Variants in CHRNB1 observed in about 807,000 individuals in gnomAD.
The protein encoded by CHRNB1 is cholinergic receptor nicotinic beta 1 subunit.
Under a neutral mutation model 53.8 loss-of-function variants are expected in CHRNB1, and 47 were observed. That is an observed-to-expected ratio of 0.87 (90% CI 0.69 to 1.11). CHRNB1 has a LOEUF of 1.11. Ranked by LOEUF, CHRNB1 falls within the 50% of genes most tolerant of loss-of-function variation. The probability of loss-of-function intolerance (pLI) is 0.00; values close to 1 mark genes in which losing one functional copy is unlikely to be tolerated. For synonymous variants in CHRNB1, 259 were observed against 263.5 expected (o/e 0.98, Z 0.16); for missense variants, 605 against 654.9 (o/e 0.92, Z 0.83).
Position 7,447,046 on chromosome 17 carries a change from T to C in CHRNB1, c.357T>C (p.Asn119=). 1 of 1,613,968 alleles carries C rather than the reference T, an allele frequency of 6.2e-7. No homozygotes were observed. The highest frequency in any genetic ancestry group is 8.5e-7 in the Non-Finnish European group (1 of 1,179,812). Residue 119 remains asparagine (N), a synonymous_variant, in exon 5 of 11, where the codon AAT becomes AAC. Transcript: ENST00000306071. Reference sequence around the variant, plus strand: ...TGATGAGATCCCTTCTCTGCAGCAATGATGGGAATTTTGACGTGGCTCTGG... The same window carrying C: ...TGATGAGATCCCTTCTCTGCAGCAACGATGGGAATTTTGACGTGGCTCTGG... ...WLPDVVLLNN[N]DGNFDVALDI... is the part of the protein sequence containing the mutation.
In CHRNB1 at chr17:7,445,095, T is replaced by G; in HGVS notation, c.-33T>G. The stretch of plus-strand genomic sequence containing the variant: ...CCTGTGCTGGCGGTCCCAGCGGCTC[T>G]CTGAGCGAAGTCACTGAGCGAGCCG... On this transcript the variant is annotated 5_prime_UTR_variant, in exon 1 of 11. Coordinates refer to ENST00000306071, the MANE Select transcript of CHRNB1 (RefSeq NM_000747.3). The surrounding 1 kb of genome is among the most constrained non-coding windows in gnomAD (Gnocchi z 5.7). The G allele has an allele frequency of 1.9e-6, 3 of 1,601,360 alleles. No individual in the cohort carries two copies. Among genetic ancestry groups the G allele is most frequent in the Non-Finnish European group, 2.5e-6 (3 of 1,177,488 alleles).
chr17:7,445,831 G>A lies in CHRNB1; in HGVS notation c.199-238G>A, dbSNP rs1908583995. On this transcript the variant is annotated intron_variant, in intron 2 of 10. Coordinates refer to ENST00000306071, the MANE Select transcript of CHRNB1 (RefSeq NM_000747.3). The surrounding 1 kb of genome is among the most constrained non-coding windows in gnomAD (Gnocchi z 5.7). ...GGGCCGGGGACAGAGCTAGGCGGAG[G>A]GCTAGGCAGGGGCGGGTCTGGTAGG... The A allele has an allele frequency of 1.6e-5, 10 of 623,794 alleles. No homozygotes were observed. Among genetic ancestry groups the A allele is most frequent in the South Asian group, 1.9e-5 (1 of 52,496 alleles). The allele number at this position is 623,794 out of a possible 1,614,324, so 38.6% of individuals were successfully genotyped here.
chr17:7,455,776 C>G lies in CHRNB1; in HGVS notation c.1218-18C>G. On this transcript the variant is annotated intron_variant, in intron 9 of 10. Transcript: ENST00000306071. ...GGCTGTCTTTGCGTTTGGGCGTGGC[C>G]AGTCACTCCTCTTCCAGGTTCCAGC... 4 of 1,614,164 alleles carry G rather than the reference C, an allele frequency of 2.5e-6. No homozygotes were observed. Among genetic ancestry groups the G allele is most frequent in the Non-Finnish European group, 3.4e-6 (4 of 1,180,032 alleles).
rs774012484 is a variant in CHRNB1, at chr17:7,447,562, C to G, written c.522C>G (p.Tyr174Ter). 1.9e-6 allele frequency: 3 copies of G among 1,614,208 alleles called. No individual in the cohort carries two copies. The South Asian group carries it at 3.3e-5, about 18-fold the overall frequency. ...CTATGGTGTTCAGCTCCTACAGCTA[C>G]GACAGCTCGGAGGTCAGCCTGCAGA... ...NCTMVFSSYSYDSSEVSLQTG... is the reference protein window; with the variant it reads ...NCTMVFSSYS Residue 174 changes from tyrosine to a stop codon, truncating the protein, a stop_gained, in exon 6 of 11, where the codon TAC becomes TAG. Transcript: ENST00000306071. LOFTEE classifies it high-confidence loss of function.
chr17:7,446,337 G>GTC (rs1477080201), intron 3 of CHRNB1: 25 of 331,770 alleles, frequency 7.5e-5, no homozygotes, highest in Middle Eastern at 9.3e-4. Flanking sequence ...CTGTGTGTGT[G>GTC]TGTGTGTGTG....
chr17:7,445,669 CAG>C lies in CHRNB1; in HGVS notation c.198+261_198+262del. Reference sequence around the variant, plus strand: ...CCTTAAAGTGGGGCTGGGGACGAGGCAGGGGCTGGGGGACGGACCTCGACGTA... The same window carrying C: ...CCTTAAAGTGGGGCTGGGGACGAGGCGGGCTGGGGGACGGACCTCGACGTA... On this transcript the variant is annotated intron_variant, in intron 2 of 10. Coordinates refer to ENST00000306071, the MANE Select transcript of CHRNB1 (RefSeq NM_000747.3). This position sits in a 1 kb window ranked among gnomAD's most constrained non-coding sequence, Gnocchi z 5.7. The C allele has an allele frequency of 7.5e-7, 1 of 1,334,212 alleles. No individual in the cohort carries two copies. Among genetic ancestry groups the C allele is most frequent in the Non-Finnish European group, 9.9e-7 (1 of 1,010,156 alleles). 82.6% of individuals were successfully genotyped at this position (1,334,212 alleles called of 1,614,324 possible). A position where few individuals can be genotyped will look rare whatever the true frequency, so the allele number is the denominator to read the frequency against.
In CHRNB1 at chr17:7,456,710, A is replaced by C; in HGVS notation, c.1493A>C (p.Asp498Ala). Residue 498 changes from aspartate (D) to alanine (A), a missense_variant, in exon 11 of 11, where the codon GAC becomes GCC. Transcript: ENST00000306071. The stretch of plus-strand genomic sequence containing the variant: ...GCCACGTACCACTTGCCCCCTCCAG[A>C]CCCCTTTCCTTGAAGACTGGAGGGT... The part of the protein sequence containing the change: ...LDATYHLPPP[D>A]PFP The C allele has an allele frequency of 1.9e-6, 3 of 1,613,898 alleles. No homozygotes were observed. The highest frequency in any genetic ancestry group is 2.5e-6 in the Non-Finnish European group (3 of 1,179,974).
At chr17:7,446,359 G>GTGT (rs1908628105) in intron 3 of CHRNB1, 1 of 576,820 alleles carries the variant, frequency 1.7e-6, no homozygotes, top group South Asian at 2.0e-5. Context: ...GTGTGTGTGT[G>GTGT]TGTGTGTGTG....
In CHRNB1 at chr17:7,445,266, C is replaced by A. The variant is rs745392905; in HGVS notation, c.59-4C>A. On this transcript the variant is annotated splice_region_variant and splice_polypyrimidine_tract_variant and intron_variant, in intron 1 of 10. Coordinates refer to ENST00000306071, the MANE Select transcript of CHRNB1 (RefSeq NM_000747.3). The surrounding 1 kb of genome is among the most constrained non-coding windows in gnomAD (Gnocchi z 5.7). ...AGGGCTGCACTTATTCTCTCCTCCC[C>A]CAGGCGTCCGCGGCTCGGAGGCGGA... 2.5e-6 allele frequency: 4 copies of A among 1,612,898 alleles called. No homozygotes were observed. The highest frequency in any genetic ancestry group is 3.4e-6 in the Non-Finnish European group (4 of 1,179,766).
At position 7,457,047 on chromosome 17, in the gene CHRNB1, G is replaced by A. The variant is rs1597756261; in HGVS notation, c.*324G>A. On this transcript the variant is annotated 3_prime_UTR_variant, in exon 11 of 11. Transcript: ENST00000306071. ...AAGAAATGTGACTTGGCCGGGCGCG[G>A]TGGCTCACGCCTGTAATCCCAGCAC... 5.9e-6 allele frequency: 2 copies of A among 339,310 alleles called. No individual in the cohort carries two copies. Among genetic ancestry groups the A allele is most frequent in the South Asian group, 5.2e-5 (2 of 38,226 alleles). The allele number at this position is 339,310 out of a possible 1,614,324, so 21.0% of individuals were successfully genotyped here.
Position 7,445,871 on chromosome 17 carries a change from G to A in CHRNB1, c.199-198G>A. On this transcript the variant is annotated intron_variant, in intron 2 of 10. Coordinates refer to ENST00000306071, the MANE Select transcript of CHRNB1 (RefSeq NM_000747.3). This position sits in a 1 kb window ranked among gnomAD's most constrained non-coding sequence, Gnocchi z 5.7. ...GGTCTGGTAGGTTGATAGGCTGGGA[G>A]TGTAGACGGCAGGAAGAGGTGTTTC... 6.2e-6 allele frequency: 4 copies of A among 648,784 alleles called. No homozygotes were observed. The highest frequency in any genetic ancestry group is 8.3e-6 in the Non-Finnish European group (3 of 361,814). The allele number at this position is 648,784 out of a possible 1,614,324, so 40.2% of individuals were successfully genotyped here. A position where few individuals can be genotyped will look rare whatever the true frequency, so the allele number is the denominator to read the frequency against.
chr17:7,451,846 C>T (rs1056819456), intron 7 of CHRNB1, among the ~76,000 whole-genome samples: 17 of 152,234 alleles, frequency 1.1e-4, no homozygotes, highest in East Asian at 9.7e-4. Flanking sequence ...CACCCAAGGA[C>T]GTCCTCACTC....
intron 7 of CHRNB1, 114 bp downstream of exon 7, chr17:7,448,902 G>A: frequency 1.8e-6 from 2 of 1,128,280 alleles, no homozygotes; most frequent in South Asian, 1.3e-5. Context: ...TTGGGCTTCA[G>A]CAATCCCGCC....
chr17:7,446,300 A>ATT (rs1390960090), intron 3 of CHRNB1, 187 bp downstream of exon 3: 1 of 521,228 alleles, frequency 1.9e-6, no homozygotes, highest in African/African-American at 2.4e-5. Context: ...TTTAATTCCA[A>ATT]TTTTGTGTGT....
rs1908556849 is a variant in CHRNB1, at chr17:7,445,323, T to C, written c.112T>C (p.Tyr38His). 2 of 1,613,184 alleles carry C rather than the reference T, an allele frequency of 1.2e-6. No individual in the cohort carries two copies. The highest frequency in any genetic ancestry group is 1.1e-5 in the South Asian group (1 of 91,050). The change falls in exon 2 of 11, where the codon TAT becomes CAT. Residue 38 changes from tyrosine (Y) to histidine (H), a missense_variant. Coordinates refer to ENST00000306071, the MANE Select transcript of CHRNB1 (RefSeq NM_000747.3). This position sits in a 1 kb window ranked among gnomAD's most constrained non-coding sequence, Gnocchi z 5.7. ...ACTCCGGGAGAAACTTTTCTCTGGCTATGATAGCTCCGTGCGGCCAGCGCG... is the reference window on the plus strand; with the variant it reads ...ACTCCGGGAGAAACTTTTCTCTGGCCATGATAGCTCCGTGCGGCCAGCGCG... ...GRLREKLFSG[Y>H]DSSVRPAREV...
intron 6 of CHRNB1, among the ~76,000 whole-genome samples, chr17:7,448,031 C>T (rs1406132986): frequency 7.5e-6 from 1 of 133,854 alleles, no homozygotes; most frequent in Non-Finnish European, 1.6e-5. Flanking sequence ...GCCGAGATGG[C>T]GCCACTGCAC....
intron 3 of CHRNB1, chr17:7,446,524 C>T (rs957759798): frequency 5.7e-6 from 3 of 526,838 alleles, no homozygotes; most frequent in Admixed American, 3.3e-5. Flanking sequence ...GGTTTGGGGC[C>T]GCTAATTTCA....
intron 7 of CHRNB1, among the ~76,000 whole-genome samples, chr17:7,452,142 G>T (rs951801240): frequency 1.7e-4 from 25 of 148,604 alleles, no homozygotes; most frequent in Admixed American, 9.5e-4. Context: ...TGCAACCTCC[G>T]CCTCCCGGGT....
intron 6 of CHRNB1, 149 bp downstream of exon 6, chr17:7,447,799 C>A: frequency 3.0e-6 from 3 of 1,016,024 alleles, no homozygotes; most frequent in African/African-American, 1.6e-5. Context: ...TGGAAATTGC[C>A]GGGGGCAGTG....
Sources: gnomAD v4.1 joint callset for allele counts (sites outside exome capture counted in the v4.1 genomes callset) on GRCh38, gnomAD v4.1.1 for gene constraint, Gnocchi (gnomAD v3.1) non-coding constraint, MANE v1.5 for transcripts, NCBI Gene and HGNC (gene_info 2026-07-23, HGNC 2026-07-21) for gene names.